Variants in ITPK1 observed in about 807,000 individuals in gnomAD.
ITPK1 encodes the protein inositol-tetrakisphosphate 1-kinase, also known as inositol 1,3,4-trisphosphate 5/6-kinase.
ITPK1 carries 21 observed loss-of-function variants against 45.3 expected under a neutral mutation model. The ratio of observed to expected loss-of-function variants is 0.46; its 90% CI spans 0.33 to 0.67. The LOEUF (loss-of-function observed/expected upper bound fraction) is 0.67, where lower values mean the gene tolerates loss of function less well. ITPK1 is among the 30% of genes least tolerant of loss of function. The probability of loss-of-function intolerance (pLI) is 0.02; values close to 1 mark genes in which losing one functional copy is unlikely to be tolerated. For synonymous variants in ITPK1, 258 were observed against 253.6 expected (o/e 1.02, Z -0.16); for missense variants, 474 against 573.5 (o/e 0.83, Z 1.77).
chr14:92,949,463 G>C (rs1484191547), intron 9 of ITPK1, among the ~76,000 whole-genome samples: 1 of 152,190 alleles, frequency 6.6e-6, no homozygotes, highest in African/African-American at 2.4e-5. Context: ...AAGCCTAGTG[G>C]GGCAGCTCAG....
At chr14:93,055,664 C>A (rs907796191) in intron 3 of ITPK1, among the ~76,000 whole-genome samples, 5 of 152,214 alleles carry the variant, frequency 3.3e-5, no homozygotes, top group Non-Finnish European at 7.3e-5. Context: ...GCTGTCCCCT[C>A]CCATGCCTCC....
chr14:92,952,024 G>A lies in ITPK1; in HGVS notation c.671-11C>T, dbSNP rs758148623. ...AGATGGACTCACGGTCTGAAAAAGC[G>A]ACAGGAAGGAGCCGGCGTTAGAACC... is the stretch of plus-strand genomic sequence containing the variant. On this transcript the variant is annotated splice_polypyrimidine_tract_variant and intron_variant, in intron 8 of 10. Transcript: ENST00000267615. 1.8e-5 allele frequency: 28 copies of A among 1,562,172 alleles called. No individual in the cohort carries two copies. Among genetic ancestry groups the A allele is most frequent in the South Asian group, 9.4e-5 (8 of 84,870 alleles).
At chr14:93,008,512 G>A (rs758393481) in intron 4 of ITPK1, among the ~76,000 whole-genome samples, 2 of 152,250 alleles carry the variant, frequency 1.3e-5, no homozygotes, top group African/African-American at 2.4e-5. Flanking sequence ...CCAGATCCAG[G>A]GCTGGCTGCC....
chr14:92,938,714 T>C lies in ITPK1; in HGVS notation c.*2847A>G. ...CCACGTGTGGACCCAGACACCTCCA[T>C]GACACCAAGGGCAAAGCACCAGTTC... On this transcript the variant is annotated 3_prime_UTR_variant, in exon 11 of 11. Transcript: ENST00000267615. 1.6e-6 allele frequency: 1 copy of C among 612,112 alleles called. No individual in the cohort carries two copies. The highest frequency in any genetic ancestry group is 2.9e-6 in the Non-Finnish European group (1 of 342,330). The allele number at this position is 612,112 out of a possible 1,614,324, so 37.9% of individuals were successfully genotyped here.
At chr14:93,107,051 G>A (rs1476058242) in intron 2 of ITPK1, among the ~76,000 whole-genome samples, 2 of 151,852 alleles carry the variant, frequency 1.3e-5, no homozygotes, top group African/African-American at 2.4e-5. Flanking sequence ...TCCACCTCCC[G>A]AGCTCAAGCA....
intron 4 of ITPK1, among the ~76,000 whole-genome samples, chr14:92,996,621 G>A (rs1887071015): frequency 6.6e-6 from 1 of 151,822 alleles, no homozygotes; most frequent in Non-Finnish European, 1.5e-5. Context: ...TCACATCACT[G>A]ACAGTGCTCA....
At chr14:93,089,119 T>C (rs1033414221) in intron 2 of ITPK1, among the ~76,000 whole-genome samples, 1 of 152,168 alleles carries the variant, frequency 6.6e-6, no homozygotes, top group African/African-American at 2.4e-5. Flanking sequence ...CCTGCTGCCC[T>C]AATCCTCCCT....
intron 3 of ITPK1, among the ~76,000 whole-genome samples, chr14:93,055,217 C>G (rs1455928011): frequency 6.6e-6 from 1 of 152,196 alleles, no homozygotes. Flanking sequence ...AGCCAATGGG[C>G]ATGCGTGCTG....
chr14:93,024,212 C>T (rs530106695), intron 3 of ITPK1, among the ~76,000 whole-genome samples: 6 of 152,272 alleles, frequency 3.9e-5, no homozygotes, highest in Non-Finnish European at 7.4e-5. Context: ...AAGGAACTCG[C>T]GGAATCCTCT....
rs1887965289 is a variant in ITPK1, at chr14:92,951,809, CTGTGGCATGGAGGCAAACGTCCTT to C, written c.738+113_738+136del. 6 of 677,622 alleles carry C rather than the reference CTGTGGCATGGAGGCAAACGTCCTT, an allele frequency of 8.9e-6. No individual in the cohort carries two copies. In the East Asian group the frequency reaches 1.6e-4, roughly 18 times the overall value. 42.0% of individuals were successfully genotyped at this position (677,622 alleles called of 1,614,324 possible). A position where few individuals can be genotyped will look rare whatever the true frequency, so the allele number is the denominator to read the frequency against. On this transcript the variant is annotated intron_variant, in intron 9 of 10. Coordinates refer to ENST00000267615, the MANE Select transcript of ITPK1 (RefSeq NM_014216.6). ...AGGGGGCTCTGGAACCTCCTGGGGC[CTGTGGCATGGAGGCAAACGTCCTT>C]CCCACCCTACCCTGCTGGAGAGCTT...
intron 5 of ITPK1, among the ~76,000 whole-genome samples, chr14:92,991,750 C>T (rs1027184430): frequency 6.6e-6 from 1 of 151,802 alleles, no homozygotes; most frequent in African/African-American, 2.4e-5. Context: ...CACACACCCA[C>T]CCTGAGCCCA....
At position 92,941,744 on chromosome 14, in the gene ITPK1, T is replaced by C. The variant is rs1248897935; in HGVS notation, c.1062A>G (p.Thr354=). 2.5e-6 allele frequency: 4 copies of C among 1,598,994 alleles called. No individual in the cohort carries two copies. The highest frequency in any genetic ancestry group is 2.2e-5 in the South Asian group (2 of 89,434). Reference sequence around the variant, plus strand: ...CGCAGCAGCCGGGGCTGGCGCTGCATGTCCGCTCGCCCACCAGGCCGCCCG... The same window carrying C: ...CGCAGCAGCCGGGGCTGGCGCTGCACGTCCGCTCGCCCACCAGGCCGCCCG... ...EPAGGLVGER[T]CSASPGCCGS... Residue 354 remains threonine, a synonymous_variant, in exon 11 of 11, where the codon ACA becomes ACG. Transcript: ENST00000267615.
intron 2 of ITPK1, among the ~76,000 whole-genome samples, chr14:93,110,633 G>C (rs1892712310): frequency 6.6e-6 from 1 of 152,182 alleles, no homozygotes; most frequent in Admixed American, 6.5e-5. Flanking sequence ...ATGCAGGCCT[G>C]GGCTACCTAC....
rs1275216578 is a variant in ITPK1, at chr14:93,036,694, G to A, written c.121-19893C>T. 2.6e-5 allele frequency among the ~76,000 whole-genome samples: 4 copies of A among 152,060 alleles called. No homozygotes were observed. Among genetic ancestry groups the A allele is most frequent in the Non-Finnish European group, 5.9e-5 (4 of 67,990 alleles). ...CCCCTATTCTCTGGGCTCTGGGATC[G>A]TTACCAACAACCCGCACCGCATTCT... On this transcript the variant is annotated intron_variant, in intron 3 of 10. Transcript: ENST00000267615. The surrounding 1 kb of genome is among the most constrained non-coding windows in gnomAD (Gnocchi z 4.1).
chr14:93,114,792 C>G (rs530718031), intron 2 of ITPK1, among the ~76,000 whole-genome samples: 14 of 152,302 alleles, frequency 9.2e-5, no homozygotes, highest in African/African-American at 3.4e-4. Context: ...GAACTCCCAC[C>G]GCGCCCTGGG....
intron 5 of ITPK1, among the ~76,000 whole-genome samples, chr14:92,977,801 T>C (rs1886024489): frequency 6.6e-6 from 1 of 151,904 alleles, no homozygotes; most frequent in South Asian, 2.1e-4. Flanking sequence ...CAACTAAAAC[T>C]CTTTTCTTCA....
At chr14:93,108,413 A>G (rs1892608923) in intron 2 of ITPK1, among the ~76,000 whole-genome samples, 1 of 152,232 alleles carries the variant, frequency 6.6e-6, no homozygotes, top group South Asian at 2.1e-4. Flanking sequence ...TATTTACTGA[A>G]TGTCCCAAAC....
At chr14:93,001,584 G>A (rs1300039946) in intron 4 of ITPK1, among the ~76,000 whole-genome samples, 3 of 152,140 alleles carry the variant, frequency 2.0e-5, no homozygotes, top group African/African-American at 4.8e-5. Flanking sequence ...CACACCCAGA[G>A]GAAACTTCCC....
At chr14:93,110,170 TC>T in intron 2 of ITPK1, among the ~76,000 whole-genome samples, 1 of 152,106 alleles carries the variant, frequency 6.6e-6, no homozygotes, top group South Asian at 2.1e-4. Context: ...CTTCAATAGA[TC>T]CATGTGCACA....
Sources: allele counts gnomAD v4.1 joint callset (sites outside exome capture counted in the v4.1 genomes callset), GRCh38; gene constraint gnomAD v4.1.1; non-coding constraint Gnocchi (gnomAD v3.1); transcripts MANE v1.5; gene names NCBI Gene and HGNC (gene_info 2026-07-23, HGNC 2026-07-21).